SLC25A2: variants seen among roughly 807,000 people sequenced by gnomAD.
SLC25A2 encodes the protein mitochondrial ornithine transporter 2.
A neutral mutation model predicts 7.4 loss-of-function variants in SLC25A2; 6 were observed. The ratio of observed to expected loss-of-function variants is 0.82; its 90% CI spans 0.45 to 1.61. The LOEUF is 1.61. Among genes scored for constraint, SLC25A2 ranks in the 40% most tolerant of loss-of-function variants. The probability of loss-of-function intolerance (pLI) is 0.01; values close to 1 mark genes in which losing one functional copy is unlikely to be tolerated. For missense variants in SLC25A2, 356 were observed against 377.3 expected (o/e 0.94, Z 0.47); for synonymous variants, 158 against 153.4 (o/e 1.03, Z -0.22).
chr5:141,302,985 A>C lies in SLC25A2; in HGVS notation c.881T>G (p.Met294Arg), dbSNP rs781870401. The C allele has an allele frequency of 3.7e-6, 6 of 1,613,160 alleles. No individual in the cohort carries two copies. The highest frequency in any genetic ancestry group is 1.7e-6 in the Non-Finnish European group (2 of 1,179,580). The change falls in exon 1 of 1, where the codon ATG (methionine) becomes AGG (arginine). Residue 294 changes from methionine to arginine, a missense_variant. Physicochemically the swap from Met to Arg is moderately conservative, Grantham distance 91 (BLOSUM62 -1). Transcript: ENST00000239451. ...FVAYEYSRKMMMKQLEAY is the reference protein window; with the variant it reads ...FVAYEYSRKMRMKQLEAY ...TCAGTATGCTTCCAACTGTTTCATC[A>C]TCATCTTCCTGCTGTATTCGTAGGC...
In SLC25A2 at chr5:141,303,320, C is replaced by G. The variant is rs981583075; in HGVS notation, c.546G>C (p.Pro182=). 2.5e-6 allele frequency: 4 copies of G among 1,614,062 alleles called. No individual in the cohort carries two copies. The South Asian group carries it at 3.3e-5, about 13-fold the overall frequency. The change falls in exon 1 of 1, where the codon CCG becomes CCC. Residue 182 remains proline, a synonymous_variant. Coordinates refer to ENST00000239451, the MANE Select transcript of SLC25A2 (RefSeq NM_031947.4). ...GLSSTLLQEV[P]GYFFFFGGYE... ...AGCCACCAAAGAAAAAGAAATAACC[C>G]GGTACTTCTTGAAGTAGAGTACTCG...
In SLC25A2 at chr5:141,303,444, T is replaced by G; in HGVS notation, c.422A>C (p.Glu141Ala). ...KCRLQTMYEMEMSGKIAKSHN... is the reference protein window; with the variant it reads ...KCRLQTMYEMAMSGKIAKSHN... Reference sequence around the variant, plus strand: ...GCTTTTTGCTATCTTCCCTGACATCTCCATTTCATACATGGTCTGTAGCCG... The same window carrying G: ...GCTTTTTGCTATCTTCCCTGACATCGCCATTTCATACATGGTCTGTAGCCG... The change falls in exon 1 of 1, where the codon GAG (glutamate) becomes GCG (alanine). Residue 141 changes from glutamate to alanine, a missense_variant. Glu to Ala is a moderately radical substitution (Grantham distance 107). Transcript: ENST00000239451. 2.5e-6 allele frequency: 4 copies of G among 1,614,172 alleles called. No individual in the cohort carries two copies. The East Asian group carries it at 8.9e-5, about 36-fold the overall frequency.
rs782470539 is a variant in SLC25A2, at chr5:141,303,821, C to G, written c.45G>C (p.Ala15=). 3 of 1,614,076 alleles carry G rather than the reference C, an allele frequency of 1.9e-6. No individual in the cohort carries two copies. The highest frequency in any genetic ancestry group is 2.5e-6 in the Non-Finnish European group (3 of 1,180,036). Residue 15 remains alanine (A), a synonymous_variant, in exon 1 of 1, where the codon GCG becomes GCC. Coordinates refer to ENST00000239451, the MANE Select transcript of SLC25A2 (RefSeq NM_031947.4). ...CACACGCTGTCCCCCCTGCGGCCCCCGCTGTGAGGTCGATGGCGGCTTGGA... is the reference window on the plus strand; with the variant it reads ...CACACGCTGTCCCCCCTGCGGCCCCGGCTGTGAGGTCGATGGCGGCTTGGA... ...PGIQAAIDLT[A]GAAGGTACVL...
Position 141,303,485 on chromosome 5 carries a change from A to G in SLC25A2, c.381T>C (p.Thr127=), listed in dbSNP as rs1229955257. 1 of 1,614,038 alleles carries G rather than the reference A, an allele frequency of 6.2e-7. No homozygotes were observed. Among genetic ancestry groups the G allele is most frequent in the Non-Finnish European group, 8.5e-7 (1 of 1,180,034 alleles). Residue 127 remains threonine, a synonymous_variant, in exon 1 of 1, where the codon ACT becomes ACC. Transcript: ENST00000239451. ...SAFAALALCP[T]ELVKCRLQTM... is the part of the protein sequence containing the mutation. ...TCTGTAGCCGGCACTTCACAAGCTC[A>G]GTGGGGCAGAGAGCCAGTGCAGCAA...
rs149349247 is a variant in SLC25A2 at position 141,303,321 on chromosome 5, G to T, written c.545C>A (p.Pro182Gln). Residue 182 changes from proline to glutamine, a missense_variant, in exon 1 of 1, where the codon CCG becomes CAG. Coordinates refer to ENST00000239451, the MANE Select transcript of SLC25A2 (RefSeq NM_031947.4). ...GCCACCAAAGAAAAAGAAATAACCC[G>T]GTACTTCTTGAAGTAGAGTACTCGA... ...GLSSTLLQEVPGYFFFFGGYE... is the reference protein window; with the variant it reads ...GLSSTLLQEVQGYFFFFGGYE... 2 of 1,614,146 alleles carry T rather than the reference G, an allele frequency of 1.2e-6. No individual in the cohort carries two copies. The highest frequency in any genetic ancestry group is 1.7e-5 in the Admixed American group (1 of 60,018).
At position 141,303,988 on chromosome 5, in the gene SLC25A2, A is replaced by G. The variant is rs111702937; in HGVS notation, c.-123T>C. On this transcript the variant is annotated 5_prime_UTR_variant, in exon 1 of 1. Transcript: ENST00000239451. The stretch of plus-strand genomic sequence containing the variant: ...GAGTTGGGGGTGGTGGGGTGGCTCT[A>G]CCGCCTGTTCTGGGCTCTCACCCCA... 0.052 allele frequency: 60,540 copies of G among 1,160,758 alleles called. 1,709 individuals are homozygous for G. The highest frequency in any genetic ancestry group is 0.067 in the Middle Eastern group (228 of 3,382). 71.9% of individuals were successfully genotyped at this position (1,160,758 alleles called of 1,614,324 possible). A position where few individuals can be genotyped will look rare whatever the true frequency, so the allele number is the denominator to read the frequency against.
chr5:141,303,279 G>A lies in SLC25A2; in HGVS notation c.587C>T (p.Ser196Leu). The A allele has an allele frequency of 6.2e-7, 1 of 1,614,088 alleles. No individual in the cohort carries two copies. The highest frequency in any genetic ancestry group is 1.3e-5 in the African/African-American group (1 of 75,034). The change falls in exon 1 of 1, where the codon TCG becomes TTG. Residue 196 changes from serine to leucine, a missense_variant. By Grantham distance (145) the Ser-to-Leu change is moderately radical (BLOSUM62 -2). Transcript: ENST00000239451. Reference sequence around the variant, plus strand: ...TTTTGATCTCCCTGACGCAAAAAACGATCGGCTCAGTTCATAGCCACCAAA... The same window carrying A: ...TTTTGATCTCCCTGACGCAAAAAACAATCGGCTCAGTTCATAGCCACCAAA... Reference protein sequence around the residue: ...FFFGGYELSRSFFASGRSKDE... With the variant: ...FFFGGYELSRLFFASGRSKDE...
Position 141,303,415 on chromosome 5 carries a change from T to C in SLC25A2, c.451A>G (p.Asn151Asp). Residue 151 changes from asparagine (N) to aspartate (D), a missense_variant, in exon 1 of 1, where the codon AAT becomes GAT. Asn to Asp is a conservative substitution (Grantham distance 23). Coordinates refer to ENST00000239451, the MANE Select transcript of SLC25A2 (RefSeq NM_031947.4). ...EMSGKIAKSH[N>D]TIWSVVKGIL... ...CCCTTCACGACAGACCAAATTGTAT[T>C]ATGGCTTTTTGCTATCTTCCCTGAC... is the stretch of plus-strand genomic sequence containing the variant. The C allele has an allele frequency of 6.2e-7, 1 of 1,614,208 alleles. No individual in the cohort carries two copies. Among genetic ancestry groups the C allele is most frequent in the Non-Finnish European group, 8.5e-7 (1 of 1,180,048 alleles).
Position 141,302,770 on chromosome 5 carries a change from T to C in SLC25A2, c.*190A>G. On this transcript the variant is annotated 3_prime_UTR_variant, in exon 1 of 1. Transcript: ENST00000239451. ...AGCAACTTTCCTATTTCAATACAAT[T>C]ATGGGCAGAAATTATATGATGTAAA... The C allele has an allele frequency of 1.7e-6, 1 of 577,132 alleles. No individual in the cohort carries two copies. Among genetic ancestry groups the C allele is most frequent in the Non-Finnish European group, 2.9e-6 (1 of 340,670 alleles). 35.8% of individuals were successfully genotyped at this position (577,132 alleles called of 1,614,324 possible). A position where few individuals can be genotyped will look rare whatever the true frequency, so the allele number is the denominator to read the frequency against.
chr5:141,303,789 G>A lies in SLC25A2; in HGVS notation c.77C>T (p.Thr26Ile). 6.2e-7 allele frequency: 1 copy of A among 1,614,232 alleles called. No individual in the cohort carries two copies. The highest frequency in any genetic ancestry group is 8.5e-7 in the Non-Finnish European group (1 of 1,180,050). The change falls in exon 1 of 1, where the codon ACT (threonine) becomes ATT (isoleucine). Residue 26 changes from threonine (T) to isoleucine (I), a missense_variant. Transcript: ENST00000239451. ...TTTTATTGTGTCGAAGGGCTGCCCA[G>A]TCAGTACACACGCTGTCCCCCCTGC... ...GAAGGTACVLTGQPFDTIKVK... is the reference protein window; with the variant it reads ...GAAGGTACVLIGQPFDTIKVK...
Position 141,302,862 on chromosome 5 carries a change from G to A in SLC25A2, c.*98C>T, listed in dbSNP as rs782792479. On this transcript the variant is annotated 3_prime_UTR_variant, in exon 1 of 1. Transcript: ENST00000239451. ...GGGAAGATAAAACCAAAATTCCCAT[G>A]AAGTCAAAATTAGACAGTGGTCTTG... 713 of 1,324,998 alleles carry A rather than the reference G, an allele frequency of 5.4e-4. No individual in the cohort carries two copies. Among genetic ancestry groups the A allele is most frequent in the Non-Finnish European group, 6.8e-4 (668 of 980,440 alleles). The allele number at this position is 1,324,998 out of a possible 1,614,324, so 82.1% of individuals were successfully genotyped here.
At position 141,302,729 on chromosome 5, in the gene SLC25A2, C is replaced by T. The variant is rs892221434; in HGVS notation, c.*231G>A. 3.7e-5 allele frequency: 18 copies of T among 491,856 alleles called. No individual in the cohort carries two copies. Among genetic ancestry groups the T allele is most frequent in the Non-Finnish European group, 6.1e-5 (17 of 280,630 alleles). The allele number at this position is 491,856 out of a possible 1,614,324, so 30.5% of individuals were successfully genotyped here. ...GCCAACCAGCCCACCCTGTACATTC[C>T]AGCAAGTGCAAGAGCAGCAACTTTC... On this transcript the variant is annotated 3_prime_UTR_variant, in exon 1 of 1. Transcript: ENST00000239451.
In SLC25A2 at chr5:141,303,591, A is replaced by C; in HGVS notation, c.275T>G (p.Val92Gly). Residue 92 changes from valine (V) to glycine (G), a missense_variant, in exon 1 of 1, where the codon GTC becomes GGC. By Grantham distance (109) the Val-to-Gly change is moderately radical. Coordinates refer to ENST00000239451, the MANE Select transcript of SLC25A2 (RefSeq NM_031947.4). ...FMCYGFCQQFVRKVAGMDKQA... is the reference protein window; with the variant it reads ...FMCYGFCQQFGRKVAGMDKQA... ...CTTGTCCATTCCAGCCACTTTCCTG[A>C]CAAACTGCTGGCAGAACCCGTAGCA... is the stretch of plus-strand genomic sequence containing the variant. 1 of 1,614,168 alleles carries C rather than the reference A, an allele frequency of 6.2e-7. No homozygotes were observed. The highest frequency in any genetic ancestry group is 8.5e-7 in the Non-Finnish European group (1 of 1,180,036).
Position 141,302,693 on chromosome 5 carries a change from A to G in SLC25A2, c.*267T>C. ...AGAACGATATTTAGTTTTTCAGATT[A>G]GGTACATAGGGCCAACCAGCCCACC... On this transcript the variant is annotated 3_prime_UTR_variant, in exon 1 of 1. Coordinates refer to ENST00000239451, the MANE Select transcript of SLC25A2 (RefSeq NM_031947.4). 2.7e-6 allele frequency: 1 copy of G among 365,936 alleles called. No individual in the cohort carries two copies. The highest frequency in any genetic ancestry group is 4.9e-6 in the Non-Finnish European group (1 of 203,944). The allele number at this position is 365,936 out of a possible 1,614,324, so 22.7% of individuals were successfully genotyped here.
Position 141,303,544 on chromosome 5 carries a change from G to A in SLC25A2, c.322C>T (p.Gln108Ter), listed in dbSNP as rs1755941345. 6.2e-7 allele frequency: 1 copy of A among 1,614,104 alleles called. No homozygotes were observed. The highest frequency in any genetic ancestry group is 8.5e-7 in the Non-Finnish European group (1 of 1,180,046). The change falls in exon 1 of 1, where the codon CAG (glutamine) becomes TAG (stop). Residue 108 changes from glutamine to a stop codon, truncating the protein, a stop_gained. Transcript: ENST00000239451. LOFTEE classifies it high-confidence loss of function. ...MDKQAKLSDL[Q>*]TAAAGSFASA... is the part of the protein sequence containing the mutation. ...GCGAAGGACCCCGCGGCTGCAGTCT[G>A]GAGATCACTCAGCTTTGCCTGCTTG...
chr5:141,302,908 T>A lies in SLC25A2; in HGVS notation c.*52A>T. 1.2e-5 allele frequency: 18 copies of A among 1,556,564 alleles called. No homozygotes were observed. In the South Asian group the frequency reaches 2.2e-4, roughly 19 times the overall value. The stretch of plus-strand genomic sequence containing the variant: ...TCTTGTACTCTGCTGAACCCTGTGA[T>A]GAACTGTAGTCCTCAAACTCATGGA... On this transcript the variant is annotated 3_prime_UTR_variant, in exon 1 of 1. Coordinates refer to ENST00000239451, the MANE Select transcript of SLC25A2 (RefSeq NM_031947.4).
rs575724381 is a variant in SLC25A2 at position 141,303,496 on chromosome 5, G to C, written c.370C>G (p.Leu124Val). ...CACTTCACAAGCTCAGTGGGGCAGAGAGCCAGTGCAGCAAATGCAGAGGCG... is the reference window on the plus strand; with the variant it reads ...CACTTCACAAGCTCAGTGGGGCAGACAGCCAGTGCAGCAAATGCAGAGGCG... ...SFASAFAALALCPTELVKCRL... is the reference protein window; with the variant it reads ...SFASAFAALAVCPTELVKCRL... Residue 124 changes from leucine to valine, a missense_variant, in exon 1 of 1, where the codon CTC becomes GTC. Coordinates refer to ENST00000239451, the MANE Select transcript of SLC25A2 (RefSeq NM_031947.4). 5.6e-6 allele frequency: 9 copies of C among 1,614,204 alleles called. No individual in the cohort carries two copies. In the South Asian group the frequency reaches 7.7e-5, roughly 14 times the overall value.
chr5:141,303,918 G>A lies in SLC25A2; in HGVS notation c.-53C>T. 6.4e-7 allele frequency: 1 copy of A among 1,560,042 alleles called. No homozygotes were observed. Among genetic ancestry groups the A allele is most frequent in the Non-Finnish European group, 8.7e-7 (1 of 1,152,558 alleles). On this transcript the variant is annotated 5_prime_UTR_variant, in exon 1 of 1. In the 5' UTR this introduces an upstream ATG that the reference lacks. Transcript: ENST00000239451. Reference sequence around the variant, plus strand: ...TGGAAGGCGACTAACTCCCCAGAGCGTGAGACCGGCTTTTCACGTCCAGCC... The same window carrying A: ...TGGAAGGCGACTAACTCCCCAGAGCATGAGACCGGCTTTTCACGTCCAGCC...
chr5:141,303,514 C>G lies in SLC25A2; in HGVS notation c.352G>C (p.Ala118Pro), dbSNP rs140903972. ...QTAAAGSFAS[A>P]FAALALCPTE... Reference sequence around the variant, plus strand: ...GGGCAGAGAGCCAGTGCAGCAAATGCAGAGGCGAAGGACCCCGCGGCTGCA... The same window carrying G: ...GGGCAGAGAGCCAGTGCAGCAAATGGAGAGGCGAAGGACCCCGCGGCTGCA... The change falls in exon 1 of 1, where the codon GCA (alanine) becomes CCA (proline). Residue 118 changes from alanine (A) to proline (P), a missense_variant. Transcript: ENST00000239451. 5.0e-6 allele frequency: 8 copies of G among 1,614,230 alleles called. No individual in the cohort carries two copies. The highest frequency in any genetic ancestry group is 2.5e-6 in the Non-Finnish European group (3 of 1,180,042).
Sources: gnomAD v4.1 joint callset for allele counts on GRCh38, gnomAD v4.1.1 for gene constraint, MANE v1.5 for transcripts, NCBI Gene and HGNC (gene_info 2026-07-23, HGNC 2026-07-21) for gene names.